Variants in COL5A2 observed in about 807,000 individuals in gnomAD.
The protein encoded by COL5A2 is collagen alpha-2(V) chain.
COL5A2 carries 23 observed loss-of-function variants against 208.2 expected under a neutral mutation model. The ratio of observed to expected loss-of-function variants is 0.11; its 90% CI spans 0.08 to 0.16. The LOEUF (loss-of-function observed/expected upper bound fraction) is 0.16, where lower values mean the gene tolerates loss of function less well. Ranked by LOEUF, COL5A2 falls within the 10% of genes least tolerant of loss-of-function variation. The probability of loss-of-function intolerance (pLI) is 1.00; values close to 1 mark genes in which losing one functional copy is unlikely to be tolerated. For missense variants in COL5A2, 1,590 were observed against 1,956.4 expected (o/e 0.81, Z 3.53); for synonymous variants, 625 against 628.5 (o/e 0.99, Z 0.08).
rs184505547 is a variant in COL5A2, at chr2:189,154,084, T to A, written c.97+25424A>T. ...TAGTGTCTTGAAGTAATACATTTTTTAAAAAATTAAGACAAGCAAACAAAA... is the reference window on the plus strand; with the variant it reads ...TAGTGTCTTGAAGTAATACATTTTTAAAAAAATTAAGACAAGCAAACAAAA... On this transcript the variant is annotated intron_variant, in intron 1 of 53. Coordinates refer to ENST00000374866, the MANE Select transcript of COL5A2 (RefSeq NM_000393.5). Among the ~76,000 whole-genome samples the A allele has an allele frequency of 2.5e-3, 387 of 152,226 alleles. 3 individuals are homozygous for A. Among genetic ancestry groups the A allele is most frequent in the African/African-American group, 8.9e-3 (368 of 41,550 alleles).
At chr2:189,161,464 G>T (rs948353877) in intron 1 of COL5A2, among the ~76,000 whole-genome samples, 1 of 152,034 alleles carries the variant, frequency 6.6e-6, no homozygotes, top group African/African-American at 2.4e-5. Context: ...GTGCTTTGAT[G>T]TACATATTTT....
chr2:189,039,417 G>T lies in COL5A2; in HGVS notation c.3780C>A (p.Asp1260Glu). Residue 1260 changes from aspartate (D) to glutamate (E), a missense_variant, in exon 51 of 54, where the codon GAC becomes GAA. Physicochemically the swap from Asp to Glu is conservative, Grantham distance 45. Transcript: ENST00000374866. ...EFTEDQAAPD[D>E]KNKTDPGVHA... ...GAACCCCTGGGTCCGTTTTGTTTTT[G>T]TCATCAGGAGCCGCCTGATCTTCAG... 1 of 1,613,870 alleles carries T rather than the reference G, an allele frequency of 6.2e-7. No individual in the cohort carries two copies. The highest frequency in any genetic ancestry group is 8.5e-7 in the Non-Finnish European group (1 of 1,179,964).
chr2:189,064,505 G>C (rs1686102868), intron 25 of COL5A2, 52 bp downstream of exon 25: 1 of 1,275,292 alleles, frequency 7.8e-7, no homozygotes, highest in East Asian at 2.3e-5. Context: ...ACCAATGCAT[G>C]CTCAGGAGCA....
the COL5A2 span, among the ~76,000 whole-genome samples, chr2:189,245,224 C>T: frequency 1.5e-3 from 231 of 152,118 alleles, 3 homozygotes; most frequent in Middle Eastern, 0.017. Flanking sequence ...GCAGTGTTCA[C>T]GCTTTTTTTT....
the COL5A2 span, among the ~76,000 whole-genome samples, chr2:189,346,467 A>C: frequency 6.6e-6 from 1 of 152,222 alleles, no homozygotes; most frequent in Non-Finnish European, 1.5e-5. Flanking sequence ...CTCCATATCA[A>C]GCCATCAAAA....
chr2:189,154,969 C>G (rs1463509036), intron 1 of COL5A2, among the ~76,000 whole-genome samples: 1 of 151,926 alleles, frequency 6.6e-6, no homozygotes, highest in Admixed American at 6.6e-5. Context: ...CCTAAAGTAT[C>G]CTGACAGATT....
chr2:189,381,602 T>C, the COL5A2 span, among the ~76,000 whole-genome samples: 1 of 152,068 alleles, frequency 6.6e-6, no homozygotes, highest in Non-Finnish European at 1.5e-5. Context: ...TTCTACAACA[T>C]TCTACTTAAA....
At position 189,088,770 on chromosome 2, in the gene COL5A2, C is replaced by T. The variant is rs139666335; in HGVS notation, c.570G>A (p.Pro190=). 4.2e-5 allele frequency: 68 copies of T among 1,613,576 alleles called. No homozygotes were observed. The highest frequency in any genetic ancestry group is 3.7e-4 in the African/African-American group (28 of 74,904). ...CCAACCCAGCCATTTGAGCTGAAAA[C>T]GGCTGTAAAAGCGATATGTTGACAT... ...SHPGPDGLSR[P]FSAQMAGLDE... is the part of the protein sequence containing the mutation. Residue 190 remains proline (P), a splice_region_variant and synonymous_variant, in exon 8 of 54, where the codon CCG becomes CCA. Transcript: ENST00000374866.
chr2:189,234,448 G>C, the COL5A2 span, among the ~76,000 whole-genome samples: 1 of 151,588 alleles, frequency 6.6e-6, no homozygotes, highest in Non-Finnish European at 1.5e-5. Flanking sequence ...TGGCTGAATC[G>C]CATATTTAAA....
At chr2:189,109,153 T>C (rs1027819944) in intron 2 of COL5A2, among the ~76,000 whole-genome samples, 1 of 152,036 alleles carries the variant, frequency 6.6e-6, no homozygotes, top group African/African-American at 2.4e-5. Flanking sequence ...GACTGTATAT[T>C]TTGGTGTGTT....
chr2:189,119,465 G>C (rs1170457842), intron 1 of COL5A2, among the ~76,000 whole-genome samples: 1 of 152,116 alleles, frequency 6.6e-6, no homozygotes, highest in Non-Finnish European at 1.5e-5. Flanking sequence ...CTTCTAAGGA[G>C]AAGTTGCTAT....
the COL5A2 span, among the ~76,000 whole-genome samples, chr2:189,331,021 C>T: frequency 6.6e-6 from 1 of 151,988 alleles, no homozygotes; most frequent in Non-Finnish European, 1.5e-5. Context: ...TTTAAAACAA[C>T]ATAATAAATA....
chr2:189,336,831 T>C, the COL5A2 span, among the ~76,000 whole-genome samples: 2 of 152,112 alleles, frequency 1.3e-5, no homozygotes. Flanking sequence ...CTTAAGACCT[T>C]TCACATTCTA....
chr2:189,277,333 G>GATGAT, the COL5A2 span, among the ~76,000 whole-genome samples: 1 of 152,080 alleles, frequency 6.6e-6, no homozygotes, highest in Non-Finnish European at 1.5e-5. Context: ...CAAGATTCAT[G>GATGAT]GAAGCTCATC....
chr2:189,290,943 G>A, the COL5A2 span, among the ~76,000 whole-genome samples: 2 of 151,962 alleles, frequency 1.3e-5, no homozygotes, highest in Non-Finnish European at 2.9e-5. Context: ...CTTCATTGTA[G>A]GTTCTAAAAT....
chr2:189,097,496 G>A lies in COL5A2; in HGVS notation c.403-166C>T, dbSNP rs928035424. 29 of 735,970 alleles carry A rather than the reference G, an allele frequency of 3.9e-5. No homozygotes were observed. The Middle Eastern group carries it at 1.2e-3, about 30-fold the overall frequency. The allele number at this position is 735,970 out of a possible 1,614,324, so 45.6% of individuals were successfully genotyped here. On this transcript the variant is annotated intron_variant, in intron 5 of 53. Coordinates refer to ENST00000374866, the MANE Select transcript of COL5A2 (RefSeq NM_000393.5). ...CCATGTGCATATAAAAGTTCTGTAC[G>A]CTTAGAAGCGTTGTTTATGTTATCA... is the stretch of plus-strand genomic sequence containing the variant.
intron 12 of COL5A2, among the ~76,000 whole-genome samples, chr2:189,083,157 T>G (rs538300110): frequency 2.6e-5 from 4 of 152,168 alleles, no homozygotes; most frequent in Non-Finnish European, 4.4e-5. Flanking sequence ...TAGGGGCTGT[T>G]GAGCAGGAGA....
At chr2:189,135,575 G>C (rs557844429) in intron 1 of COL5A2, among the ~76,000 whole-genome samples, 2 of 152,252 alleles carry the variant, frequency 1.3e-5, no homozygotes, top group African/African-American at 4.8e-5. Context: ...ATAATCCGTA[G>C]GCTAATGTCT....
At position 189,088,575 on chromosome 2, in the gene COL5A2, G is replaced by GAATA. The variant is rs1291787410; in HGVS notation, c.645+119_645+120insTATT. On this transcript the variant is annotated intron_variant, in intron 8 of 53. Coordinates refer to ENST00000374866, the MANE Select transcript of COL5A2 (RefSeq NM_000393.5). ...AAGTTAATTAAATGAATGAATGAAT[G>GAATA]AATGTACGACTGTGTTTAAGAAGAT... is the stretch of plus-strand genomic sequence containing the variant. 8 of 792,682 alleles carry GAATA rather than the reference G, an allele frequency of 1.0e-5. No homozygotes were observed. The Admixed American group carries it at 1.5e-4, about 15-fold the overall frequency. The allele number at this position is 792,682 out of a possible 1,614,324, so 49.1% of individuals were successfully genotyped here.
Sources: gnomAD v4.1 joint callset for allele counts (sites outside exome capture counted in the v4.1 genomes callset) on GRCh38, gnomAD v4.1.1 for gene constraint, MANE v1.5 for transcripts, NCBI Gene and HGNC (gene_info 2026-07-23, HGNC 2026-07-21) for gene names.